WDR55: variants seen among roughly 807,000 people sequenced by gnomAD.
WDR55 encodes the protein WD repeat-containing protein 55.
In WDR55, 31 loss-of-function variants were observed where a neutral mutation model predicts 34.0. That is an observed-to-expected ratio of 0.91 (90% CI 0.69 to 1.23). The LOEUF is 1.23. Among genes scored for constraint, WDR55 ranks in the 50% most tolerant of loss-of-function variants. WDR55 has a pLI of 0.00. For missense variants in WDR55, 440 were observed against 494.6 expected, an observed-to-expected ratio of 0.89 and a Z score of 1.05; for synonymous variants, 164 against 185.9, an observed-to-expected ratio of 0.88 and a Z score of 0.96.
chr5:140,665,487 A>G (rs1757897806), intron 1 of WDR55, among the ~76,000 whole-genome samples: 2 of 152,074 alleles, frequency 1.3e-5, no homozygotes, highest in Admixed American at 1.3e-4. Flanking sequence ...CCTCCCGAGT[A>G]GCTGGGATTA....
At position 140,669,895 on chromosome 5, in the gene WDR55, A is replaced by ATT; in HGVS notation, c.*245_*246dup. ...AGGTGTGCACTACCACACCAGGCCA[A>ATT]TTTTTGTTTTTTTTTTTTGGTAGAA... is the stretch of plus-strand genomic sequence containing the variant. On this transcript the variant is annotated 3_prime_UTR_variant, in exon 7 of 7. Coordinates refer to ENST00000358337, the MANE Select transcript of WDR55 (RefSeq NM_017706.5). The ATT allele has an allele frequency of 4.7e-6, 2 of 428,620 alleles. No homozygotes were observed. Among genetic ancestry groups the ATT allele is most frequent in the Non-Finnish European group, 8.3e-6 (2 of 242,254 alleles). The allele number at this position is 428,620 out of a possible 1,614,324, so 26.6% of individuals were successfully genotyped here. A position where few individuals can be genotyped will look rare whatever the true frequency, so the allele number is the denominator to read the frequency against.
chr5:140,666,692 T>C (rs1478313566), intron 1 of WDR55: 1 of 985,146 alleles, frequency 1.0e-6, no homozygotes, highest in Non-Finnish European at 1.2e-6. Context: ...GAAATACCTT[T>C]TACATTATAT....
Position 140,669,633 on chromosome 5 carries a change from G to A in WDR55, c.1131G>A (p.Glu377=). Residue 377 remains glutamate (E), a synonymous_variant, in exon 7 of 7, where the codon GAG becomes GAA. Transcript: ENST00000358337. ...EDSMAQEEKE[E]TGDDSD ...CCATGGCTCAGGAAGAAAAGGAGGA[G>A]ACTGGGGATGACAGTGACTGAAGGA... The A allele has an allele frequency of 6.2e-7, 1 of 1,613,262 alleles. No individual in the cohort carries two copies. The highest frequency in any genetic ancestry group is 1.1e-5 in the South Asian group (1 of 90,992).
At position 140,665,080 on chromosome 5, in the gene WDR55, G is replaced by C; in HGVS notation, c.168G>C (p.Gly56=). The C allele has an allele frequency of 6.2e-7, 1 of 1,604,724 alleles. No homozygotes were observed. The highest frequency in any genetic ancestry group is 8.5e-7 in the Non-Finnish European group (1 of 1,174,240). The change falls in exon 1 of 7, where the codon GGG becomes GGC. Residue 56 remains glycine (G), a synonymous_variant. Transcript: ENST00000358337. ...CGGCCCGTGACCTACTGGCTGCAGG[G>C]GACGTGGACGGGGACGTGTTCGTGT... ...FHPARDLLAA[G]DVDGDVFVFS...
At position 140,665,099 on chromosome 5, in the gene WDR55, T is replaced by C. The variant is rs1161068717; in HGVS notation, c.187T>C (p.Phe63Leu). ...LAAGDVDGDV[F>L]VFSYSCQEGE... ...TGCAGGGGACGTGGACGGGGACGTGTTCGTGTGAGAGCGGGGCAGGGCCGG... is the reference window on the plus strand; with the variant it reads ...TGCAGGGGACGTGGACGGGGACGTGCTCGTGTGAGAGCGGGGCAGGGCCGG... Residue 63 changes from phenylalanine (F) to leucine (L), a missense_variant, in exon 1 of 7, where the codon TTC becomes CTC. Transcript: ENST00000358337. The C allele has an allele frequency of 1.9e-6, 3 of 1,593,848 alleles. No homozygotes were observed. The Admixed American group carries it at 5.1e-5, about 27-fold the overall frequency.
chr5:140,669,010 G>A lies in WDR55; in HGVS notation c.660+20G>A, dbSNP rs1396553805. On this transcript the variant is annotated intron_variant, in intron 5 of 6. Transcript: ENST00000358337. ...ATGAAAGTACAGCTGGTTATGGTGG[G>A]ATGGAGGGGTGTGTGCTGGGGGCTT... 2 of 1,614,114 alleles carry A rather than the reference G, an allele frequency of 1.2e-6. No homozygotes were observed. Among genetic ancestry groups the A allele is most frequent in the African/African-American group, 2.7e-5 (2 of 74,938 alleles).
chr5:140,666,678 CAGAG>C (rs1241353633), intron 1 of WDR55: 2 of 984,690 alleles, frequency 2.0e-6, no homozygotes, highest in Admixed American at 1.2e-4. Flanking sequence ...CCTTGCCTCA[CAGAG>C]AAATACCTTT....
chr5:140,671,739 G>A lies in WDR55; in HGVS notation c.*2085G>A, dbSNP rs1291717417. ...TCCACAGCCACCTGCTCTCCACAGAGGTGTGACTGCCCTGTAGGAAAAATG... is the reference window on the plus strand; with the variant it reads ...TCCACAGCCACCTGCTCTCCACAGAAGTGTGACTGCCCTGTAGGAAAAATG... On this transcript the variant is annotated 3_prime_UTR_variant, in exon 7 of 7. Transcript: ENST00000358337. The A allele has an allele frequency of 5.7e-6, 9 of 1,573,886 alleles. No individual in the cohort carries two copies. The highest frequency in any genetic ancestry group is 7.8e-6 in the Non-Finnish European group (9 of 1,158,944).
At chr5:140,667,457 G>C (rs921238191) in intron 1 of WDR55, 1 of 152,322 alleles carries the variant, frequency 6.6e-6, no homozygotes. Context: ...CTCTCTGCCA[G>C]GCAAATTCTA....
Position 140,668,731 on chromosome 5 carries a change from A to G in WDR55, c.500A>G (p.His167Arg). ...KEGPLMDMRQHEEYIADMALD... is the reference protein window; with the variant it reads ...KEGPLMDMRQREEYIADMALD... ...GGCCCCTTAATGGATATGAGGCAAC[A>G]TGAAGAGTACATCGCAGACATGGCT... Residue 167 changes from histidine to arginine, a missense_variant, in exon 4 of 7, where the codon CAT (histidine) becomes CGT (arginine). Coordinates refer to ENST00000358337, the MANE Select transcript of WDR55 (RefSeq NM_017706.5). The G allele has an allele frequency of 6.2e-7, 1 of 1,614,218 alleles. No individual in the cohort carries two copies. The highest frequency in any genetic ancestry group is 1.1e-5 in the South Asian group (1 of 91,090).
At position 140,668,881 on chromosome 5, in the gene WDR55, C is replaced by T. The variant is rs1359067761; in HGVS notation, c.561-10C>T. The T allele has an allele frequency of 8.7e-6, 14 of 1,614,098 alleles. No homozygotes were observed. The highest frequency in any genetic ancestry group is 1.3e-5 in the African/African-American group (1 of 74,926). On this transcript the variant is annotated splice_polypyrimidine_tract_variant and intron_variant, in intron 4 of 6. Transcript: ENST00000358337. ...CCTTGCGTCTAAGCCTACTGCTCTA[C>T]TCTCTACAGCGGGGATGGCTGCCTT...
At chr5:140,666,092 ATACCTTT>A (rs1269243548) in intron 1 of WDR55, among the ~76,000 whole-genome samples, 1 of 151,862 alleles carries the variant, frequency 6.6e-6, no homozygotes, top group Non-Finnish European at 1.5e-5. Flanking sequence ...TCATTCATCC[ATACCTTT>A]TAAAAATACG....
Position 140,669,146 on chromosome 5 carries a change from G to A in WDR55, c.728G>A (p.Gly243Glu). The A allele has an allele frequency of 6.2e-7, 1 of 1,614,108 alleles. No individual in the cohort carries two copies. Among genetic ancestry groups the A allele is most frequent in the South Asian group, 1.1e-5 (1 of 91,080 alleles). ...TACCTCTTCAATTGGAATGGCTTTGGGGCCACAAGTGACCGCTTTGCCCTG... is the reference window on the plus strand; with the variant it reads ...TACCTCTTCAATTGGAATGGCTTTGAGGCCACAAGTGACCGCTTTGCCCTG... ...TIYLFNWNGF[G>E]ATSDRFALRA... Residue 243 changes from glycine to glutamate, a missense_variant, in exon 6 of 7, where the codon GGG becomes GAG. Physicochemically the swap from Gly to Glu is moderately conservative, Grantham distance 98. Coordinates refer to ENST00000358337, the MANE Select transcript of WDR55 (RefSeq NM_017706.5).
Position 140,669,524 on chromosome 5 carries a change from A to T in WDR55, c.1022A>T (p.Lys341Met). The T allele has an allele frequency of 6.2e-7, 1 of 1,614,106 alleles. No individual in the cohort carries two copies. Among genetic ancestry groups the T allele is most frequent in the Non-Finnish European group, 8.5e-7 (1 of 1,179,986 alleles). ...VVDDYRRRKK[K>M]GGPLRALSSK... Reference sequence around the variant, plus strand: ...GATGACTACCGTCGGCGCAAAAAAAAGGGAGGACCACTGCGGGCTCTGAGC... The same window carrying T: ...GATGACTACCGTCGGCGCAAAAAAATGGGAGGACCACTGCGGGCTCTGAGC... Residue 341 changes from lysine (K) to methionine (M), a missense_variant, in exon 7 of 7, where the codon AAG becomes ATG. Coordinates refer to ENST00000358337, the MANE Select transcript of WDR55 (RefSeq NM_017706.5).
chr5:140,672,182 A>G lies in WDR55; in HGVS notation c.*2528A>G, dbSNP rs116785008. The G allele has an allele frequency of 2.3e-3, 1,301 of 576,614 alleles. 12 individuals carry two copies. The African/African-American group carries it at 0.023, about 10-fold the overall frequency. 35.7% of individuals were successfully genotyped at this position (576,614 alleles called of 1,614,324 possible). ...TCTCTAACAGTTTCCTCATAGCTTG[A>G]GGGTCCTGTGCCTATTTTGCGGTGT... On this transcript the variant is annotated 3_prime_UTR_variant, in exon 7 of 7. Coordinates refer to ENST00000358337, the MANE Select transcript of WDR55 (RefSeq NM_017706.5).
rs1757991598 is a variant in WDR55, at chr5:140,668,961, G to T, written c.631G>T (p.Gly211Trp). The T allele has an allele frequency of 6.2e-7, 1 of 1,614,196 alleles. No individual in the cohort carries two copies. The highest frequency in any genetic ancestry group is 8.5e-7 in the Non-Finnish European group (1 of 1,180,024). The change falls in exon 5 of 7, where the codon GGG (glycine) becomes TGG (tryptophan). Residue 211 changes from glycine (G) to tryptophan (W), a missense_variant. Coordinates refer to ENST00000358337, the MANE Select transcript of WDR55 (RefSeq NM_017706.5). Reference protein sequence around the residue: ...RFELLSEPQSGDLTSVTLMKW... With the variant: ...RFELLSEPQSWDLTSVTLMKW... ...TGAGCTGCTCTCAGAACCTCAGTCT[G>T]GGGACCTGACCTCTGTCACTCTCAT...
At position 140,668,462 on chromosome 5, in the gene WDR55, G is replaced by A. The variant is rs770354288; in HGVS notation, c.340G>A (p.Glu114Lys). 94 of 1,614,082 alleles carry A rather than the reference G, an allele frequency of 5.8e-5. No individual in the cohort carries two copies. Among genetic ancestry groups the A allele is most frequent in the Non-Finnish European group, 7.6e-5 (90 of 1,180,054 alleles). Residue 114 changes from glutamate (E) to lysine (K), a missense_variant, in exon 3 of 7, where the codon GAG becomes AAG. Transcript: ENST00000358337. ...KDKAIHVLDV[E>K]QGQLERRVSK... ...CAAAGCCATCCATGTTCTAGATGTG[G>A]AGCAGGGCCAACTGGAAAGACGTGT...
chr5:140,669,895 A>T lies in WDR55; in HGVS notation c.*241A>T, dbSNP rs1758029847. 2.3e-6 allele frequency: 1 copy of T among 428,626 alleles called. No homozygotes were observed. Among genetic ancestry groups the T allele is most frequent in the Non-Finnish European group, 4.1e-6 (1 of 242,256 alleles). 26.6% of individuals were successfully genotyped at this position (428,626 alleles called of 1,614,324 possible). On this transcript the variant is annotated 3_prime_UTR_variant, in exon 7 of 7. Coordinates refer to ENST00000358337, the MANE Select transcript of WDR55 (RefSeq NM_017706.5). ...AGGTGTGCACTACCACACCAGGCCAATTTTTGTTTTTTTTTTTTGGTAGAA... is the reference window on the plus strand; with the variant it reads ...AGGTGTGCACTACCACACCAGGCCATTTTTTGTTTTTTTTTTTTGGTAGAA...
intron 1 of WDR55, among the ~76,000 whole-genome samples, chr5:140,665,885 CAGCTACACGGG>C (rs1489673770): frequency 1.3e-5 from 2 of 151,910 alleles, no homozygotes; most frequent in Non-Finnish European, 2.9e-5. Context: ...CCTGTAATCC[CAGCTACACGGG>C]AGGCTGAGGC....
Sources: gnomAD v4.1 joint callset for allele counts (sites outside exome capture counted in the v4.1 genomes callset) on GRCh38, gnomAD v4.1.1 for gene constraint, MANE v1.5 for transcripts, NCBI Gene and HGNC (gene_info 2026-07-23, HGNC 2026-07-21) for gene names.